The following USH2A variants were observed in gnomAD, a reference collection of about 807,000 sequenced individuals.
USH2A encodes the protein Usher syndrome 2A (autosomal recessive, mild).
A neutral mutation model predicts 538.9 loss-of-function variants in USH2A; 443 were observed. That is an observed-to-expected ratio of 0.82 (90% confidence interval 0.76 to 0.89). USH2A has a LOEUF of 0.89. Ranked by LOEUF, USH2A falls within the 40% of genes least tolerant of loss-of-function variation. USH2A has a pLI of 0.00. For missense variants in USH2A, 6,633 were observed against 6,324.8 expected (o/e 1.05, Z -1.65); for synonymous variants, 2,413 against 2,273.5 (o/e 1.06, Z -1.75).
At chr1:216,209,539 T>A (rs746793792) in intron 15 of USH2A, among the ~76,000 whole-genome samples, 1 of 152,232 alleles carries the variant, frequency 6.6e-6, no homozygotes, top group South Asian at 2.1e-4. Flanking sequence ...AGTGATGAAC[T>A]CTTTTTAATA....
intron 37 of USH2A, among the ~76,000 whole-genome samples, chr1:215,953,677 CA>C (rs1474277811): frequency 6.6e-6 from 1 of 151,884 alleles, no homozygotes; most frequent in Non-Finnish European, 1.5e-5. Context: ...TCTAAAACAC[CA>C]AAAGCAATGG....
chr1:215,660,530 T>C (rs2102652514), intron 64 of USH2A, among the ~76,000 whole-genome samples: 1 of 152,318 alleles, frequency 6.6e-6, no homozygotes, highest in Non-Finnish European at 1.5e-5. Context: ...TGTGTATCTT[T>C]CTTCCAGGTA....
At chr1:215,653,581 A>G (rs1657146709) in intron 64 of USH2A, among the ~76,000 whole-genome samples, 1 of 152,204 alleles carries the variant, frequency 6.6e-6, no homozygotes, top group African/African-American at 2.4e-5. Flanking sequence ...AACTTGTATG[A>G]TGAGGCAGTG....
intron 13 of USH2A, among the ~76,000 whole-genome samples, chr1:216,241,191 A>G (rs1156283214): frequency 6.6e-6 from 1 of 152,214 alleles, no homozygotes; most frequent in Non-Finnish European, 1.5e-5. Context: ...TTCATCTTCT[A>G]TAGGAGGAAG....
intron 9 of USH2A, among the ~76,000 whole-genome samples, chr1:216,300,558 C>G (rs1435059479): frequency 6.6e-6 from 1 of 152,088 alleles, no homozygotes; most frequent in Admixed American, 6.6e-5. Flanking sequence ...CTAGAAGACA[C>G]TGATGAAATT....
intron 26 of USH2A, chr1:216,079,867 T>C (rs907049476): frequency 9.2e-5 from 14 of 152,198 alleles, no homozygotes; most frequent in African/African-American, 3.1e-4. Flanking sequence ...TTAGAAGTAT[T>C]TGTAAAAGCA....
chr1:215,698,699 G>A (rs1182869528), intron 61 of USH2A, among the ~76,000 whole-genome samples: 1 of 152,136 alleles, frequency 6.6e-6, no homozygotes, highest in South Asian at 2.1e-4. Context: ...ATTTGTTTAA[G>A]TTCCTTGTAG....
chr1:215,812,820 A>G (rs1049763063), intron 49 of USH2A, among the ~76,000 whole-genome samples: 11 of 152,214 alleles, frequency 7.2e-5, no homozygotes, highest in African/African-American at 2.7e-4. Context: ...TAGTCCTTTT[A>G]AAAAAATTGT....
At chr1:215,762,726 C>G (rs1661015629) in intron 56 of USH2A, among the ~76,000 whole-genome samples, 1 of 152,028 alleles carries the variant, frequency 6.6e-6, no homozygotes, top group South Asian at 2.1e-4. Flanking sequence ...TGGCCTAAGT[C>G]TCAGGTGAAA....
At chr1:216,151,064 G>C (rs1289978243) in intron 21 of USH2A, among the ~76,000 whole-genome samples, 1 of 151,990 alleles carries the variant, frequency 6.6e-6, no homozygotes, top group Non-Finnish European at 1.5e-5. Flanking sequence ...CCCTCTTCTT[G>C]TTTACTTATA....
At chr1:215,976,119 A>G (rs1232008854) in intron 35 of USH2A, among the ~76,000 whole-genome samples, 1 of 152,132 alleles carries the variant, frequency 6.6e-6, no homozygotes, top group Non-Finnish European at 1.5e-5. Flanking sequence ...CAGTTTGAAC[A>G]TTATTGGTGT....
At position 215,648,593 on chromosome 1, in the gene USH2A, C is replaced by A. The variant is rs397517991; in HGVS notation, c.14517G>T (p.Thr4839=). 1 of 1,614,162 alleles carries A rather than the reference C, an allele frequency of 6.2e-7. No homozygotes were observed. The highest frequency in any genetic ancestry group is 1.7e-5 in the Admixed American group (1 of 60,020). The part of the protein sequence containing the change: ...PSGLSSPQIG[T]LASRTASFRW... ...GGAAGGAGGCCGTCCTTGAGGCCAG[C>A]GTCCCGATTTGTGGAGAGGACAGTC... The change falls in exon 66 of 72, where the codon ACG becomes ACT. Residue 4839 remains threonine, a synonymous_variant. Coordinates refer to ENST00000307340, the MANE Select transcript of USH2A (RefSeq NM_206933.4).
chr1:215,858,385 T>C (rs1357252633), intron 44 of USH2A, among the ~76,000 whole-genome samples: 1 of 151,378 alleles, frequency 6.6e-6, no homozygotes, highest in Non-Finnish European at 1.5e-5. Flanking sequence ...GGTGATTGGA[T>C]TACGGGGGTG....
Position 215,647,605 on chromosome 1 carries a change from G to A in USH2A, c.14708C>T (p.Thr4903Ile), listed in dbSNP as rs977229782. ...TGCCACCACTCTCAGCTTGTATGTG[G>A]TGTAGGGCTGGAGACCCCCAAGGCT... ...KASLGGLQPY[T>I]TYKLRVVAHN... The change falls in exon 67 of 72, where the codon ACC (threonine) becomes ATC (isoleucine). Residue 4903 changes from threonine (T) to isoleucine (I), a missense_variant. Thr to Ile is a moderately conservative substitution (Grantham distance 89). Coordinates refer to ENST00000307340, the MANE Select transcript of USH2A (RefSeq NM_206933.4). The A allele has an allele frequency of 6.2e-7, 1 of 1,614,156 alleles. No individual in the cohort carries two copies. The highest frequency in any genetic ancestry group is 8.5e-7 in the Non-Finnish European group (1 of 1,180,036).
chr1:216,394,970 G>A (rs1352319561), intron 3 of USH2A, among the ~76,000 whole-genome samples: 1 of 151,816 alleles, frequency 6.6e-6, no homozygotes, highest in African/African-American at 2.4e-5. Flanking sequence ...CAGCCGCCTC[G>A]GCCTCCCAAA....
rs878853411 is a variant in USH2A, at chr1:216,000,563, C to T, written c.6326-1G>A. The stretch of plus-strand genomic sequence containing the variant: ...TGGTGGGGTGTAAATACTGCTAAAT[C>T]TAGGGGATAGGGAGAAACAAGAATT... On this transcript the variant is annotated splice_acceptor_variant, in intron 32 of 71. Coordinates refer to ENST00000307340, the MANE Select transcript of USH2A (RefSeq NM_206933.4). LOFTEE classifies it high-confidence loss of function. The T allele has an allele frequency of 2.5e-6, 4 of 1,613,284 alleles. No individual in the cohort carries two copies. The highest frequency in any genetic ancestry group is 3.4e-6 in the Non-Finnish European group (4 of 1,179,430).
At chr1:216,258,256 C>G (rs1181373528) in intron 11 of USH2A, among the ~76,000 whole-genome samples, 2 of 152,060 alleles carry the variant, frequency 1.3e-5, no homozygotes, top group East Asian at 3.9e-4. Flanking sequence ...AAGTAGTTAT[C>G]AGCCTAGGGC....
intron 64 of USH2A, among the ~76,000 whole-genome samples, chr1:215,661,331 C>A (rs1176117109): frequency 6.6e-6 from 1 of 152,120 alleles, no homozygotes; most frequent in Non-Finnish European, 1.5e-5. Context: ...AGAGAGAGTT[C>A]AGGTTCTTTG....
chr1:216,060,717 C>G (rs2031149059), intron 30 of USH2A, among the ~76,000 whole-genome samples: 1 of 152,192 alleles, frequency 6.6e-6, no homozygotes, highest in Non-Finnish European at 1.5e-5. Context: ...ATGCCAGGTG[C>G]TGTAGTAATT....
Sources: allele counts gnomAD v4.1 joint callset (sites outside exome capture counted in the v4.1 genomes callset), GRCh38; gene constraint gnomAD v4.1.1; transcripts MANE v1.5; gene names NCBI Gene and HGNC (gene_info 2026-07-23, HGNC 2026-07-21).